The following PLCL2 variants were observed in gnomAD, a reference collection of about 807,000 sequenced individuals.
The protein encoded by PLCL2 is phospholipase C like 2.
In PLCL2, 4 loss-of-function variants were observed where a neutral mutation model predicts 79.6. The ratio of observed to expected loss-of-function variants is 0.05; its 90% confidence interval spans 0.02 to 0.11. PLCL2 has a LOEUF of 0.11. PLCL2 is among the 10% of genes least tolerant of loss of function. The pLI, the probability that PLCL2 is intolerant of heterozygous loss-of-function variation, is 1.00. For synonymous variants in PLCL2, 484 were observed against 457.7 expected (o/e 1.06, Z -0.73); for missense variants, 895 against 1,291.0 (o/e 0.69, Z 4.70).
chr3:17,031,562 G>T (rs1489068229), intron 3 of PLCL2, among the ~76,000 whole-genome samples: 1 of 152,156 alleles, frequency 6.6e-6, no homozygotes, highest in Non-Finnish European at 1.5e-5. Context: ...GATGGGGTTT[G>T]TGTATGTGTA....
At chr3:17,004,112 G>A (rs754052029) in intron 1 of PLCL2, among the ~76,000 whole-genome samples, 36 of 152,094 alleles carry the variant, frequency 2.4e-4, no homozygotes, top group Admixed American at 1.6e-3. Flanking sequence ...TTGGAGGGGC[G>A]TGTCACTCTT....
chr3:17,061,391 T>C (rs2064952294), intron 4 of PLCL2, among the ~76,000 whole-genome samples: 1 of 152,364 alleles, frequency 6.6e-6, no homozygotes, highest in East Asian at 1.9e-4. Flanking sequence ...CTCTTCACTA[T>C]ATCCCAGTAT....
intron 1 of PLCL2, among the ~76,000 whole-genome samples, chr3:16,987,770 C>T (rs2124993024): frequency 6.6e-6 from 1 of 152,236 alleles, no homozygotes; most frequent in South Asian, 2.1e-4. Context: ...CTCTTCTTTT[C>T]TCTCAAAGTT....
chr3:17,022,058 G>A (rs889529798), intron 3 of PLCL2, among the ~76,000 whole-genome samples: 2 of 151,882 alleles, frequency 1.3e-5, no homozygotes, highest in African/African-American at 4.8e-5. Context: ...ATTTGATAGG[G>A]TCTCCATGGT....
In PLCL2 at chr3:17,009,664, T is replaced by C. The variant is rs116233779; in HGVS notation, c.328-10T>C. 9.8e-4 allele frequency: 1,433 copies of C among 1,463,248 alleles called. 10 individuals carry two copies. The African/African-American group carries it at 0.016, about 16-fold the overall frequency. The allele number at this position is 1,463,248 out of a possible 1,614,324, so 90.6% of individuals were successfully genotyped here. On this transcript the variant is annotated splice_polypyrimidine_tract_variant and intron_variant, in intron 1 of 5. Transcript: ENST00000615277. This position sits in a 1 kb window ranked among gnomAD's most constrained non-coding sequence, Gnocchi z 4.0. ...TGTTATTCTAATATACGGTCTTTTT[T>C]TCCTCTCAGGATGGTACAAAACAGA...
chr3:17,080,344 G>A (rs530933145), intron 5 of PLCL2, among the ~76,000 whole-genome samples: 22 of 152,294 alleles, frequency 1.4e-4, no homozygotes, highest in African/African-American at 4.6e-4. Context: ...TCTGATGAAT[G>A]TGCCACGATC....
chr3:16,896,938 G>A (rs1390279598), intron 1 of PLCL2, among the ~76,000 whole-genome samples: 1 of 152,170 alleles, frequency 6.6e-6, no homozygotes, highest in Non-Finnish European at 1.5e-5. Flanking sequence ...AAAGTGCCCT[G>A]GGAGATTTTA....
chr3:16,923,791 A>G (rs1697179817), intron 1 of PLCL2, among the ~76,000 whole-genome samples: 1 of 151,514 alleles, frequency 6.6e-6, no homozygotes, highest in African/African-American at 2.4e-5. Flanking sequence ...TTCTTAGACT[A>G]CTCATTTTCC....
chr3:17,020,745 AAC>A (rs1041284971), intron 3 of PLCL2, among the ~76,000 whole-genome samples: 3 of 152,180 alleles, frequency 2.0e-5, no homozygotes, highest in Non-Finnish European at 4.4e-5. Context: ...AGTCTCTTCT[AAC>A]ACATGACTTT....
chr3:17,073,550 C>T (rs1474010738), intron 5 of PLCL2, among the ~76,000 whole-genome samples: 1 of 152,162 alleles, frequency 6.6e-6, no homozygotes, highest in Non-Finnish European at 1.5e-5. Flanking sequence ...GCTTGCTACA[C>T]TGATGGACTC....
intron 2 of PLCL2, among the ~76,000 whole-genome samples, chr3:17,013,319 C>T (rs1018687010): frequency 4.6e-5 from 7 of 152,184 alleles, no homozygotes; most frequent in Non-Finnish European, 1.0e-4. Flanking sequence ...TGAATGAGCA[C>T]CTGCCATGCA....
intron 3 of PLCL2, among the ~76,000 whole-genome samples, chr3:17,027,314 A>C (rs2064527728): frequency 6.6e-6 from 1 of 152,244 alleles, no homozygotes; most frequent in Admixed American, 6.5e-5. Context: ...AAAATAAAAA[A>C]TAATATCTTG....
At chr3:16,991,563 T>A (rs1211571255) in intron 1 of PLCL2, among the ~76,000 whole-genome samples, 3 of 152,196 alleles carry the variant, frequency 2.0e-5, no homozygotes, top group African/African-American at 7.2e-5. Flanking sequence ...CCATTATATC[T>A]TCTAACTCAA....
intron 1 of PLCL2, among the ~76,000 whole-genome samples, chr3:16,890,962 C>T (rs1453173286): frequency 6.6e-6 from 1 of 152,220 alleles, no homozygotes; most frequent in Admixed American, 6.5e-5. Flanking sequence ...ACTTGGCACC[C>T]ACCCATTCCA....
At chr3:17,070,010 T>C (rs1031496199) in intron 5 of PLCL2, among the ~76,000 whole-genome samples, 2 of 152,204 alleles carry the variant, frequency 1.3e-5, no homozygotes, top group African/African-American at 2.4e-5. Context: ...CAAGAAAATA[T>C]ATCACAGCAG....
intron 1 of PLCL2, among the ~76,000 whole-genome samples, chr3:16,985,936 C>T (rs1168437588): frequency 6.6e-6 from 1 of 151,924 alleles, no homozygotes; most frequent in East Asian, 1.9e-4. Flanking sequence ...AGGAAGAGAA[C>T]AAAATAAAAA....
intron 3 of PLCL2, among the ~76,000 whole-genome samples, chr3:17,037,470 T>G (rs556203209): frequency 1.7e-4 from 26 of 152,294 alleles, no homozygotes; most frequent in African/African-American, 5.5e-4. Context: ...AAGAACAAAG[T>G]TTTTTTACTG....
rs138414572 is a variant in PLCL2 at position 16,909,099 on chromosome 3, T to A, written c.327+23733T>A. On this transcript the variant is annotated intron_variant, in intron 1 of 5. Transcript: ENST00000615277. Reference sequence around the variant, plus strand: ...GAGTAATATAGAAGAGCTTATGTTATCTGCCTGCTGCACATATGTAAAAGA... The same window carrying A: ...GAGTAATATAGAAGAGCTTATGTTAACTGCCTGCTGCACATATGTAAAAGA... Among the ~76,000 whole-genome samples the A allele has an allele frequency of 1.8e-3, 274 of 152,346 alleles. 1 individual carries two copies. The highest frequency in any genetic ancestry group is 6.4e-3 in the African/African-American group (268 of 41,582).
At position 16,983,049 on chromosome 3, in the gene PLCL2, A is replaced by G. The variant is rs535873697; in HGVS notation, c.328-26625A>G. Among the ~76,000 whole-genome samples, 6 of 152,346 alleles carry G rather than the reference A, an allele frequency of 3.9e-5. No individual in the cohort carries two copies. The East Asian group carries it at 1.2e-3, about 29-fold the overall frequency. On this transcript the variant is annotated intron_variant, in intron 1 of 5. Coordinates refer to ENST00000615277, the MANE Select transcript of PLCL2 (RefSeq NM_001144382.2). ...GTCTTTAAGTTTTTATATTAATTTA[A>G]ACATGATATAAAGTATATACTAAAT...
Sources: gnomAD v4.1 joint callset for allele counts (sites outside exome capture counted in the v4.1 genomes callset) on GRCh38, gnomAD v4.1.1 for gene constraint, Gnocchi (gnomAD v3.1) non-coding constraint, MANE v1.5 for transcripts, NCBI Gene and HGNC (gene_info 2026-07-23, HGNC 2026-07-21) for gene names.